Variants in ARMH4 observed in about 807,000 individuals in gnomAD.
The protein encoded by ARMH4 is armadillo like helical domain containing 4.
Under a neutral mutation model 61.9 loss-of-function variants are expected in ARMH4, and 49 were observed. That is an observed-to-expected ratio of 0.79 (90% CI 0.63 to 1.00). The LOEUF (loss-of-function observed/expected upper bound fraction) is 1.00. Among genes scored for constraint, ARMH4 ranks in the 50% least tolerant of loss-of-function variants. ARMH4 has a pLI of 0.00. For synonymous variants in ARMH4, 368 were observed against 341.5 expected, an observed-to-expected ratio of 1.08 and a Z score of -0.85; for missense variants, 934 against 930.0, an observed-to-expected ratio of 1.00 and a Z score of -0.06.
chr14:58,048,495 T>A (rs1884012884), intron 5 of ARMH4, among the ~76,000 whole-genome samples: 1 of 152,222 alleles, frequency 6.6e-6, no homozygotes, highest in African/African-American at 2.4e-5. Context: ...GGCATTCCCG[T>A]AACACTGACC....
chr14:58,062,612 C>G (rs1461267861), intron 5 of ARMH4, among the ~76,000 whole-genome samples: 2 of 152,216 alleles, frequency 1.3e-5, no homozygotes, highest in African/African-American at 2.4e-5. Flanking sequence ...TAAATGTTAG[C>G]TATGTGCCGG....
intron 4 of ARMH4, among the ~76,000 whole-genome samples, chr14:58,109,388 C>T (rs1010165865): frequency 5.9e-5 from 9 of 152,170 alleles, no homozygotes; most frequent in African/African-American, 1.9e-4. Context: ...GTTTTAAATG[C>T]TTTCCCCATC....
In ARMH4 at chr14:58,053,595, TAGA is replaced by T. The variant is rs1300706736; in HGVS notation, c.2090-41448_2090-41446del. Among the ~76,000 whole-genome samples the T allele has an allele frequency of 3.3e-5, 5 of 152,318 alleles. No homozygotes were observed. In the East Asian group the frequency reaches 9.7e-4, roughly 29 times the overall value. The stretch of plus-strand genomic sequence containing the variant: ...ACCCCCATCAGGCCAAGGCCCCTGG[TAGA>T]AGATCTCTAGCCACCTAATATCCTT... On this transcript the variant is annotated intron_variant, in intron 5 of 7. Transcript: ENST00000267485.
chr14:58,127,176 G>A (rs747149108), intron 4 of ARMH4, among the ~76,000 whole-genome samples: 5 of 152,146 alleles, frequency 3.3e-5, no homozygotes, highest in African/African-American at 7.2e-5. Context: ...CGGGCCTTTT[G>A]AAACAAATGA....
intron 4 of ARMH4, among the ~76,000 whole-genome samples, chr14:58,099,735 A>T (rs373993733): frequency 6.6e-6 from 1 of 152,338 alleles, no homozygotes. Flanking sequence ...GTCAGATCTC[A>T]TCGAAAGGGG....
intron 5 of ARMH4, among the ~76,000 whole-genome samples, chr14:58,088,728 C>T (rs532261956): frequency 7.2e-4 from 110 of 152,096 alleles, no homozygotes; most frequent in African/African-American, 2.4e-3. Context: ...ATGAGCTTTC[C>T]GGGAAAATTA....
At chr14:58,139,458 T>C (rs1317800854) in intron 1 of ARMH4, 44 bp from the exon 2 acceptor site, 2 of 1,087,510 alleles carry the variant, frequency 1.8e-6, no homozygotes, top group Non-Finnish European at 2.7e-6. Flanking sequence ...TAAATACATG[T>C]TGTAAATAAG....
chr14:58,134,509 G>A (rs1887238391), intron 2 of ARMH4, among the ~76,000 whole-genome samples: 1 of 152,048 alleles, frequency 6.6e-6, no homozygotes, highest in South Asian at 2.1e-4. Flanking sequence ...TTCAAACACT[G>A]TACAGAGCAA....
chr14:58,054,161 A>G (rs1368575734), intron 5 of ARMH4, among the ~76,000 whole-genome samples: 1 of 152,210 alleles, frequency 6.6e-6, no homozygotes, highest in Non-Finnish European at 1.5e-5. Context: ...TTGGGCCCAG[A>G]GCTCAGGGTC....
At chr14:58,123,697 A>G (rs1437926736) in intron 4 of ARMH4, among the ~76,000 whole-genome samples, 1 of 152,136 alleles carries the variant, frequency 6.6e-6, no homozygotes, top group Non-Finnish European at 1.5e-5. Flanking sequence ...TTTGCCTTTG[A>G]AGATCCTTCA....
chr14:58,046,431 T>A (rs970461580), intron 5 of ARMH4, among the ~76,000 whole-genome samples: 1 of 152,174 alleles, frequency 6.6e-6, no homozygotes, highest in African/African-American at 2.4e-5. Flanking sequence ...AATTGCCTCA[T>A]TAATGCTTGC....
intron 5 of ARMH4, among the ~76,000 whole-genome samples, chr14:58,076,672 G>T (rs1278272589): frequency 6.6e-6 from 1 of 152,124 alleles, no homozygotes; most frequent in East Asian, 1.9e-4. Flanking sequence ...GAAAGAAAAT[G>T]AGAACAAAGC....
At chr14:58,121,379 G>T (rs1036290263) in intron 4 of ARMH4, among the ~76,000 whole-genome samples, 3 of 152,166 alleles carry the variant, frequency 2.0e-5, no homozygotes, top group Admixed American at 6.5e-5. Context: ...ACAAAAAATA[G>T]ATGAGGGGAA....
intron 5 of ARMH4, among the ~76,000 whole-genome samples, chr14:58,061,756 G>A (rs1056645242): frequency 6.6e-6 from 1 of 152,144 alleles, no homozygotes; most frequent in African/African-American, 2.4e-5. Flanking sequence ...CAGGGCTGCT[G>A]CATCACATTC....
At chr14:58,124,948 C>T (rs997628432) in intron 4 of ARMH4, among the ~76,000 whole-genome samples, 2 of 152,162 alleles carry the variant, frequency 1.3e-5, no homozygotes, top group African/African-American at 4.8e-5. Context: ...AGTATGCTTA[C>T]CTAGTCCTCC....
intron 4 of ARMH4, among the ~76,000 whole-genome samples, chr14:58,126,655 T>TA (rs970584493): frequency 4.1e-4 from 62 of 152,266 alleles, no homozygotes; most frequent in African/African-American, 1.5e-3. Context: ...CGCAATCATT[T>TA]AAAAACTAAA....
Position 58,044,019 on chromosome 14 carries a change from A to C in ARMH4, c.2090-31869T>G, listed in dbSNP as rs944875181. On this transcript the variant is annotated intron_variant, in intron 5 of 7. Transcript: ENST00000267485. Reference sequence around the variant, plus strand: ...GCTCATGGATAGGAAGAATCAATATAGTGAAAATGGCCATACTGCCCAAGG... The same window carrying C: ...GCTCATGGATAGGAAGAATCAATATCGTGAAAATGGCCATACTGCCCAAGG... Among the ~76,000 whole-genome samples the C allele has an allele frequency of 7.0e-3, 1,066 of 152,218 alleles. 10 individuals carry two copies. Among genetic ancestry groups the C allele is most frequent in the African/African-American group, 0.025 (1,019 of 41,546 alleles).
intron 5 of ARMH4, among the ~76,000 whole-genome samples, chr14:58,094,972 T>C (rs1885699651): frequency 6.6e-6 from 1 of 152,232 alleles, no homozygotes; most frequent in Admixed American, 6.5e-5. Flanking sequence ...CCTTAAAAAC[T>C]TGACTCCTAT....
chr14:58,038,408 C>T (rs1218612604), intron 5 of ARMH4, among the ~76,000 whole-genome samples: 2 of 92,572 alleles, frequency 2.2e-5, no homozygotes, highest in Non-Finnish European at 4.2e-5. Context: ...GTGGTGGGGT[C>T]GGGGGAGGGG....
Sources: allele counts gnomAD v4.1 joint callset (sites outside exome capture counted in the v4.1 genomes callset), GRCh38; gene constraint gnomAD v4.1.1; transcripts MANE v1.5; gene names NCBI Gene and HGNC (gene_info 2026-07-23, HGNC 2026-07-21).